WDPCP: variants seen among roughly 807,000 people sequenced by gnomAD.
WDPCP encodes WD repeat containing planar cell polarity effector.
A neutral mutation model predicts 93.1 loss-of-function variants in WDPCP; 71 were observed. That is an observed-to-expected ratio of 0.76 (90% CI 0.63 to 0.93). The LOEUF (loss-of-function observed/expected upper bound fraction) is 0.93, where lower values mean the gene tolerates loss of function less well. Among genes scored for constraint, WDPCP ranks in the 40% least tolerant of loss-of-function variants. The pLI, the probability that WDPCP is intolerant of heterozygous loss-of-function variation, is 0.00. For synonymous variants in WDPCP, 315 were observed against 315.0 expected (o/e 1.00, Z 0.00); for missense variants, 844 against 887.4 (o/e 0.95, Z 0.62).
chr2:63,162,323 T>G (rs757914824), intron 15 of WDPCP, among the ~76,000 whole-genome samples: 3 of 152,354 alleles, frequency 2.0e-5, no homozygotes, highest in Non-Finnish European at 4.4e-5. Flanking sequence ...TTATTCTTGT[T>G]GAATTTCTCT....
At chr2:63,372,557 G>T (rs956132335) in intron 12 of WDPCP, among the ~76,000 whole-genome samples, 3 of 152,060 alleles carry the variant, frequency 2.0e-5, no homozygotes, top group Non-Finnish European at 4.4e-5. Context: ...GTCTCCACTT[G>T]TTGGACTCTA....
chr2:63,594,339 A>G (rs1171744910), intron 3 of WDPCP: 1 of 752,634 alleles, frequency 1.3e-6, no homozygotes, highest in African/African-American at 1.7e-5. Flanking sequence ...TATGCAGCAC[A>G]TTCATTTTCT....
At chr2:63,716,580 T>C (rs933950587) in intron 2 of WDPCP, among the ~76,000 whole-genome samples, 1 of 152,204 alleles carries the variant, frequency 6.6e-6, no homozygotes, top group African/African-American at 2.4e-5. Context: ...TGTCCACCCA[T>C]TTTGTTTCTA....
intron 2 of WDPCP, among the ~76,000 whole-genome samples, chr2:63,737,281 C>T (rs926087571): frequency 6.6e-6 from 1 of 152,182 alleles, no homozygotes; most frequent in African/African-American, 2.4e-5. Flanking sequence ...TATTGATAGT[C>T]CTGGAGCCAA....
intron 3 of WDPCP, among the ~76,000 whole-genome samples, chr2:63,598,896 CAA>C (rs1333463606): frequency 3.5e-4 from 25 of 72,174 alleles, no homozygotes; most frequent in Admixed American, 6.1e-4. Context: ...AAAGAGGTAC[CAA>C]AAAAAAAAAA....
At chr2:63,195,192 T>C (rs566753384) in intron 14 of WDPCP, among the ~76,000 whole-genome samples, 1 of 152,146 alleles carries the variant, frequency 6.6e-6, no homozygotes, top group Non-Finnish European at 1.5e-5. Flanking sequence ...ATTTTTATAA[T>C]TGGTAGAGGA....
At chr2:63,414,692 T>G (rs1468841597) in intron 9 of WDPCP, among the ~76,000 whole-genome samples, 1 of 152,114 alleles carries the variant, frequency 6.6e-6, no homozygotes, top group Non-Finnish European at 1.5e-5. Context: ...TGCAAAGGCC[T>G]AAGAATGATA....
In WDPCP at chr2:63,758,360, C is replaced by T. The variant is rs536496282; in HGVS notation, n.308+55262G>A. Among the ~76,000 whole-genome samples the T allele has an allele frequency of 3.8e-4, 57 of 150,826 alleles. 1 individual carries two copies. Among genetic ancestry groups the T allele is most frequent in the African/African-American group, 1.3e-3 (53 of 41,116 alleles). On this transcript the variant is annotated intron_variant and non_coding_transcript_variant, in intron 2 of 4. Coordinates refer to the WDPCP transcript ENST00000467687. ...TTATGAGGGCCTCAATGAAAGTTTA[C>T]CAAAAAAAAAATGACTGCTTAGCTT...
intron 12 of WDPCP, among the ~76,000 whole-genome samples, chr2:63,333,113 G>A (rs1688100082): frequency 6.6e-6 from 1 of 152,010 alleles, no homozygotes; most frequent in African/African-American, 2.4e-5. Flanking sequence ...TTATTGAAAA[G>A]ATTACTCATT....
At chr2:63,756,514 C>T (rs912228033) in intron 2 of WDPCP, among the ~76,000 whole-genome samples, 6 of 152,220 alleles carry the variant, frequency 3.9e-5, no homozygotes, top group South Asian at 2.1e-4. Context: ...AATTTAATAA[C>T]ATTTACCTCA....
intron 9 of WDPCP, among the ~76,000 whole-genome samples, chr2:63,407,098 G>A (rs1694649742): frequency 6.6e-6 from 1 of 152,076 alleles, no homozygotes; most frequent in Non-Finnish European, 1.5e-5. Flanking sequence ...GTAAAATAAA[G>A]CAAAGTACAG....
chr2:63,686,354 A>G (rs1029609474), intron 2 of WDPCP, among the ~76,000 whole-genome samples: 1 of 152,228 alleles, frequency 6.6e-6, no homozygotes, highest in Non-Finnish European at 1.5e-5. Flanking sequence ...GATAGCTACA[A>G]ATAAAATACC....
intron 14 of WDPCP, among the ~76,000 whole-genome samples, chr2:63,175,854 TC>T (rs1673762237): frequency 1.3e-5 from 2 of 152,218 alleles, no homozygotes; most frequent in Non-Finnish European, 2.9e-5. Context: ...TTGGGTTGCT[TC>T]CACCTCTTGG....
intron 13 of WDPCP, 34 bp downstream of exon 13, chr2:63,313,214 T>C (rs976137177): frequency 4.4e-6 from 7 of 1,597,904 alleles, no homozygotes; most frequent in Non-Finnish European, 6.0e-6. Context: ...GCCTTAGAAC[T>C]GAAGGCACAA....
At chr2:63,719,351 A>G (rs971132655) in intron 2 of WDPCP, among the ~76,000 whole-genome samples, 1 of 152,158 alleles carries the variant, frequency 6.6e-6, no homozygotes, top group Admixed American at 6.5e-5. Flanking sequence ...CAGTAGTGAG[A>G]GGTTAAATAC....
rs903163158 is a variant in WDPCP at position 63,121,110 on chromosome 2, G to C, written c.*896C>G. ...GACACCTGCACACTCAATGGGCAGT[G>C]TAAAGGAGAGGCATTCTGAGTTTAA... On this transcript the variant is annotated 3_prime_UTR_variant, in exon 18 of 18. Coordinates refer to ENST00000272321, the MANE Select transcript of WDPCP (RefSeq NM_015910.7). Among the ~76,000 whole-genome samples the C allele has an allele frequency of 1.3e-5, 2 of 152,244 alleles. No homozygotes were observed. The highest frequency in any genetic ancestry group is 4.8e-5 in the African/African-American group (2 of 41,540).
In WDPCP at chr2:63,401,104, A is replaced by G. The variant is rs549289453; in HGVS notation, c.1435+2944T>C. On this transcript the variant is annotated intron_variant, in intron 10 of 17. Transcript: ENST00000272321. ...GCATGAGCAAAGACTTCATGACGAA[A>G]AAACCAAAAGCAATTGCAACAGAAG... 1.1e-3 allele frequency among the ~76,000 whole-genome samples: 170 copies of G among 152,308 alleles called. 1 individual carries two copies. Among genetic ancestry groups the G allele is most frequent in the South Asian group, 2.3e-3 (11 of 4,826 alleles).
At chr2:63,673,780 T>C (rs1238606588) in intron 2 of WDPCP, among the ~76,000 whole-genome samples, 4 of 152,194 alleles carry the variant, frequency 2.6e-5, no homozygotes, top group Non-Finnish European at 4.4e-5. Context: ...CTCAACAAAC[T>C]TGGTCCCTAT....
chr2:63,408,967 T>C (rs563735609), intron 9 of WDPCP, among the ~76,000 whole-genome samples: 1 of 152,162 alleles, frequency 6.6e-6, no homozygotes, highest in South Asian at 2.1e-4. Flanking sequence ...CTACCCACCC[T>C]GGTAGTGGAA....
Sources: gnomAD v4.1 joint callset for allele counts (sites outside exome capture counted in the v4.1 genomes callset) on GRCh38, gnomAD v4.1.1 for gene constraint, MANE v1.5 for transcripts, NCBI Gene and HGNC (gene_info 2026-07-23, HGNC 2026-07-21) for gene names.